TMEM145: variants seen among roughly 807,000 people sequenced by gnomAD.
TMEM145 encodes transmembrane protein 145.
Under a neutral mutation model 68.5 loss-of-function variants are expected in TMEM145, and 46 were observed. The ratio of observed to expected loss-of-function variants is 0.67; its 90% CI spans 0.53 to 0.86. TMEM145 has a LOEUF of 0.86. TMEM145 is among the 40% of genes least tolerant of loss of function. The pLI is 0.00. For missense variants in TMEM145, 570 were observed against 645.8 expected, an observed-to-expected ratio of 0.88 and a Z score of 1.27; for synonymous variants, 255 against 280.2, an observed-to-expected ratio of 0.91 and a Z score of 0.90.
intron 13 of TMEM145, chr19:42,321,249 G>A (rs2038908529): frequency 1.3e-5 from 5 of 394,762 alleles, no homozygotes; most frequent in South Asian, 1.3e-4. Flanking sequence ...TTTTTGAGAC[G>A]GAGTCTCACT....
intron 6 of TMEM145, 47 bp downstream of exon 6, chr19:42,315,124 A>G (rs1182315580): frequency 2.5e-6 from 4 of 1,614,134 alleles, no homozygotes; most frequent in Non-Finnish European, 3.4e-6. Flanking sequence ...GGGACACCAG[A>G]GCTGGGTGCC....
rs2038951847 is a variant in TMEM145 at position 42,324,611 on chromosome 19, C to T, written c.1402-126C>T. On this transcript the variant is annotated intron_variant, in intron 14 of 14. Transcript: ENST00000301204. ...CCTGCTTTATCCCGGCCCGAGAGCTCGCCCATCCCCGGCCTTCCCGACCCT... is the reference window on the plus strand; with the variant it reads ...CCTGCTTTATCCCGGCCCGAGAGCTTGCCCATCCCCGGCCTTCCCGACCCT... 2.2e-6 allele frequency: 3 copies of T among 1,341,986 alleles called. No individual in the cohort carries two copies. In the South Asian group the frequency reaches 5.2e-5, roughly 23 times the overall value. 83.1% of individuals were successfully genotyped at this position (1,341,986 alleles called of 1,614,324 possible).
chr19:42,314,314 G>A lies in TMEM145; in HGVS notation c.163G>A (p.Gly55Ser), dbSNP rs758257537. The change falls in exon 2 of 15, where the codon GGC (glycine) becomes AGC (serine). Residue 55 changes from glycine (G) to serine (S), a missense_variant. Gly to Ser is a moderately conservative substitution (Grantham distance 56). Coordinates refer to ENST00000301204, the MANE Select transcript of TMEM145 (RefSeq NM_173633.3). ...AAGATTTTGTTTCCTCTCGGATTAC[G>A]GCCGACTGGACTTCCGTTTCCGCTA... is the stretch of plus-strand genomic sequence containing the variant. Reference protein sequence around the residue: ...LTRFCFLSDYGRLDFRFRYPE... With the variant: ...LTRFCFLSDYSRLDFRFRYPE... 6.2e-6 allele frequency: 10 copies of A among 1,613,964 alleles called. No homozygotes were observed. The highest frequency in any genetic ancestry group is 4.5e-5 in the East Asian group (2 of 44,866).
chr19:42,320,201 C>A, intron 12 of TMEM145, 116 bp from the exon 13 acceptor site: 1 of 1,402,592 alleles, frequency 7.1e-7, no homozygotes, highest in Non-Finnish European at 9.8e-7. Flanking sequence ...CACTGGCTTC[C>A]CTCCAGTTTG....
intron 12 of TMEM145, among the ~76,000 whole-genome samples, chr19:42,319,829 C>G (rs751037442): frequency 6.8e-6 from 1 of 147,948 alleles, no homozygotes; most frequent in Non-Finnish European, 1.5e-5. Flanking sequence ...GTACAATCTC[C>G]GCTCACTGCA....
rs2038821785 is a variant in TMEM145, at chr19:42,313,400, G to T, written c.24G>T (p.Ala8=). 2 of 1,341,664 alleles carry T rather than the reference G, an allele frequency of 1.5e-6. No individual in the cohort carries two copies. Among genetic ancestry groups the T allele is most frequent in the South Asian group, 1.9e-5 (1 of 52,528 alleles). The allele number at this position is 1,341,664 out of a possible 1,614,324, so 83.1% of individuals were successfully genotyped here. MEPLRAP[A]LRRLLPPLLL... Reference sequence around the variant, plus strand: ...GAATGGAGCCCCTGCGCGCGCCCGCGCTGCGCCGCCTGCTGCCGCCGCTGC... The same window carrying T: ...GAATGGAGCCCCTGCGCGCGCCCGCTCTGCGCCGCCTGCTGCCGCCGCTGC... Residue 8 remains alanine (A), a synonymous_variant, in exon 1 of 15, where the codon GCG becomes GCT. Coordinates refer to ENST00000301204, the MANE Select transcript of TMEM145 (RefSeq NM_173633.3). This position sits in a 1 kb window ranked among gnomAD's most constrained non-coding sequence, Gnocchi z 5.1.
At chr19:42,317,390 G>A (rs937900599) in intron 11 of TMEM145, among the ~76,000 whole-genome samples, 1 of 152,186 alleles carries the variant, frequency 6.6e-6, no homozygotes, top group Non-Finnish European at 1.5e-5. Flanking sequence ...TGGCCAAAGG[G>A]CTTCCCTCTT....
chr19:42,315,615 T>C (rs2038848927), intron 8 of TMEM145, among the ~76,000 whole-genome samples, 175 bp downstream of exon 8: 1 of 122,270 alleles, frequency 8.2e-6, no homozygotes, highest in Non-Finnish European at 1.7e-5. Context: ...GACTCCTGGG[T>C]CCTGGGGGAG....
At chr19:42,321,727 A>G (rs1397268284) in intron 13 of TMEM145, 1 of 151,992 alleles carries the variant, frequency 6.6e-6, no homozygotes, top group Non-Finnish European at 1.5e-5. Flanking sequence ...TTCACATCCT[A>G]TCTGACATTC....
intron 1 of TMEM145, 43 bp from the exon 2 acceptor site, chr19:42,314,229 C>A (rs771942750): frequency 5.5e-5 from 88 of 1,609,458 alleles, no homozygotes; most frequent in Non-Finnish European, 7.2e-5. Context: ...GTAAAGAGTT[C>A]TTGAAGGACT....
rs1269083075 is a variant in TMEM145 at position 42,315,383 on chromosome 19, G to A, written c.589G>A (p.Gly197Ser). Residue 197 changes from glycine to serine, a missense_variant, in exon 8 of 15, where the codon GGT (glycine) becomes AGT (serine). Coordinates refer to ENST00000301204, the MANE Select transcript of TMEM145 (RefSeq NM_173633.3). ...LSCYFGYLLK[G>S]RQLLHTTYKM... The stretch of plus-strand genomic sequence containing the variant: ...ACCTTGCTTCCTAGATTTGCTGAAA[G>A]GTCGTCAGTTGCTCCACACAACTTA... The A allele has an allele frequency of 1.2e-6, 2 of 1,614,200 alleles. No individual in the cohort carries two copies. Among genetic ancestry groups the A allele is most frequent in the East Asian group, 2.2e-5 (1 of 44,888 alleles).
intron 13 of TMEM145, among the ~76,000 whole-genome samples, chr19:42,320,828 C>T (rs957445574): frequency 6.6e-6 from 1 of 152,144 alleles, no homozygotes; most frequent in Middle Eastern, 3.4e-3. Flanking sequence ...AGGGTTTCAC[C>T]ATGTTGGTCA....
In TMEM145 at chr19:42,324,898, A is replaced by G; in HGVS notation, c.*81A>G. 1 of 1,380,670 alleles carries G rather than the reference A, an allele frequency of 7.2e-7. No homozygotes were observed. Among genetic ancestry groups the G allele is most frequent in the Non-Finnish European group, 9.4e-7 (1 of 1,068,458 alleles). The allele number at this position is 1,380,670 out of a possible 1,614,324, so 85.5% of individuals were successfully genotyped here. On this transcript the variant is annotated 3_prime_UTR_variant, in exon 15 of 15. Transcript: ENST00000301204. ...CCAGGACTCTGCGACCCCGGGATGG[A>G]TATTGCGATGCTGGTCTCGACCCTG...
Position 42,314,544 on chromosome 19 carries a change from A to T in TMEM145, c.273+16A>T. Reference sequence around the variant, plus strand: ...AGGGGACAAGGTGAGGGCTGTGAAGAGGGCATAGGGGGAGAGGGGAGAAGG... The same window carrying T: ...AGGGGACAAGGTGAGGGCTGTGAAGTGGGCATAGGGGGAGAGGGGAGAAGG... On this transcript the variant is annotated intron_variant, in intron 3 of 14. Coordinates refer to ENST00000301204, the MANE Select transcript of TMEM145 (RefSeq NM_173633.3). The T allele has an allele frequency of 6.2e-7, 1 of 1,614,134 alleles. No individual in the cohort carries two copies. Among genetic ancestry groups the T allele is most frequent in the Non-Finnish European group, 8.5e-7 (1 of 1,180,004 alleles).
At chr19:42,316,789 A>C in intron 10 of TMEM145, 49 bp downstream of exon 10, 3 of 642,322 alleles carry the variant, frequency 4.7e-6, no homozygotes, top group Non-Finnish European at 5.1e-6. Flanking sequence ...GGAGCAGGGC[A>C]GGGGCAGGGT....
At position 42,320,477 on chromosome 19, in the gene TMEM145, G is replaced by A. The variant is rs758233860; in HGVS notation, c.1194+40G>A. 24 of 1,611,896 alleles carry A rather than the reference G, an allele frequency of 1.5e-5. No individual in the cohort carries two copies. In the African/African-American group the frequency reaches 1.9e-4, roughly 13 times the overall value. On this transcript the variant is annotated intron_variant, in intron 13 of 14. Transcript: ENST00000301204. ...CTGTGGGGGGTGGAGGGGAGGACCC[G>A]AGGGCAGAAGATGTGTGAGGCTCCT...
At position 42,314,982 on chromosome 19, in the gene TMEM145, A is replaced by AC. The variant is rs745841829; in HGVS notation, c.421-5dup. On this transcript the variant is annotated splice_polypyrimidine_tract_variant and intron_variant, in intron 5 of 14. Transcript: ENST00000301204. Reference sequence around the variant, plus strand: ...CCCAGGGCCCCCCTTAGGCCTCCCTACCCCCCACAGGGTGATGGATTGCAG... The same window carrying AC: ...CCCAGGGCCCCCCTTAGGCCTCCCTACCCCCCCACAGGGTGATGGATTGCAG... The AC allele has an allele frequency of 9.9e-6, 16 of 1,612,484 alleles. No individual in the cohort carries two copies. In the African/African-American group the frequency reaches 1.1e-4, roughly 11 times the overall value.
chr19:42,316,991 C>T, intron 11 of TMEM145, 28 bp downstream of exon 11: 1 of 1,594,600 alleles, frequency 6.3e-7, no homozygotes, highest in Non-Finnish European at 8.6e-7. Context: ...CTGGCCGGGC[C>T]CTGCCTTCCC....
intron 13 of TMEM145, 44 bp downstream of exon 13, chr19:42,320,481 G>A: frequency 1.2e-6 from 2 of 1,611,650 alleles, no homozygotes. Flanking sequence ...GGACCCGAGG[G>A]CAGAAGATGT....
Sources: allele counts gnomAD v4.1 joint callset (sites outside exome capture counted in the v4.1 genomes callset), GRCh38; gene constraint gnomAD v4.1.1; non-coding constraint Gnocchi (gnomAD v3.1); transcripts MANE v1.5; gene names NCBI Gene and HGNC (gene_info 2026-07-23, HGNC 2026-07-21).